Variants in HTRA3 observed in about 807,000 individuals in gnomAD.
The protein encoded by HTRA3 is HtrA serine peptidase 3.
HTRA3 carries 41 observed loss-of-function variants against 43.2 expected under a neutral mutation model. The observed-to-expected ratio is 0.95, with a 90% confidence interval of 0.74 to 1.23. The LOEUF is 1.23. HTRA3 is among the 50% of genes most tolerant of loss of function. The pLI is 0.00. For synonymous variants in HTRA3, 295 were observed against 287.9 expected (o/e 1.02, Z -0.25); for missense variants, 628 against 647.1 (o/e 0.97, Z 0.32).
chr4:8,270,302 C>G lies in HTRA3; in HGVS notation c.334C>G (p.Gln112Glu), dbSNP rs1478747382. The G allele has an allele frequency of 6.8e-7, 1 of 1,475,978 alleles. No individual in the cohort carries two copies. Among genetic ancestry groups the G allele is most frequent in the Non-Finnish European group, 8.9e-7 (1 of 1,120,480 alleles). 91.4% of individuals were successfully genotyped at this position (1,475,978 alleles called of 1,614,324 possible). ...ALQAASRRAL[Q>E]LSGTPVRQLQ... ...GCAGGCGGCCAGCCGCCGCGCGCTG[C>G]AGCTCTCCGGGACGCCCGTGCGCCA... Residue 112 changes from glutamine to glutamate, a missense_variant, in exon 1 of 9, where the codon CAG (glutamine) becomes GAG (glutamate). Physicochemically the swap from Gln to Glu is conservative, Grantham distance 29. Transcript: ENST00000307358.
At position 8,296,593 on chromosome 4, in the gene HTRA3, G is replaced by A; in HGVS notation, c.1051+2392G>A. The A allele has an allele frequency of 2.2e-6, 2 of 913,852 alleles. No homozygotes were observed. Among genetic ancestry groups the A allele is most frequent in the Non-Finnish European group, 2.6e-6 (2 of 764,902 alleles). The allele number at this position is 913,852 out of a possible 1,614,324, so 56.6% of individuals were successfully genotyped here. A position where few individuals can be genotyped will look rare whatever the true frequency, so the allele number is the denominator to read the frequency against. On this transcript the variant is annotated intron_variant, in intron 6 of 8. Coordinates refer to ENST00000307358, the MANE Select transcript of HTRA3 (RefSeq NM_053044.5). This position sits in a 1 kb window ranked among gnomAD's most constrained non-coding sequence, Gnocchi z 5.3. ...GCAGAGGCCTCTGAGGGGCTTTCAGGGTAAAGAGTGGCCACCATGCATGTT... is the reference window on the plus strand; with the variant it reads ...GCAGAGGCCTCTGAGGGGCTTTCAGAGTAAAGAGTGGCCACCATGCATGTT...
intron 2 of HTRA3, among the ~76,000 whole-genome samples, chr4:8,284,547 G>A (rs73083606): frequency 6.6e-6 from 1 of 152,240 alleles, no homozygotes; most frequent in Admixed American, 6.5e-5. Context: ...ATGGAGGCCA[G>A]TGGGCAGCCG....
At chr4:8,294,953 G>C (rs888795432) in intron 6 of HTRA3, among the ~76,000 whole-genome samples, 1 of 140,462 alleles carries the variant, frequency 7.1e-6, no homozygotes, top group Admixed American at 7.0e-5. Context: ...CCATCCATCC[G>C]TCCATCCATC....
intron 1 of HTRA3, among the ~76,000 whole-genome samples, chr4:8,274,488 G>A (rs1039392505): frequency 6.6e-6 from 1 of 152,352 alleles, no homozygotes; most frequent in East Asian, 1.9e-4. Flanking sequence ...GGGCCAGTGC[G>A]TGGCCTCTGT....
chr4:8,291,392 T>C lies in HTRA3; in HGVS notation c.731T>C (p.Leu244Pro). ...HPKKKLPVLL[L>P]GHSADLRPGE... ...TAGAAAAAGCTCCCTGTGTTGTTGC[T>C]GGGTCACTCGGCCGACCTGCGGCCT... is the stretch of plus-strand genomic sequence containing the variant. The change falls in exon 4 of 9, where the codon CTG becomes CCG. Residue 244 changes from leucine to proline, a missense_variant. Transcript: ENST00000307358. 1 of 1,613,572 alleles carries C rather than the reference T, an allele frequency of 6.2e-7. No homozygotes were observed. The highest frequency in any genetic ancestry group is 1.1e-5 in the South Asian group (1 of 91,090).
chr4:8,277,648 G>A (rs924181598), intron 1 of HTRA3, among the ~76,000 whole-genome samples: 3 of 152,224 alleles, frequency 2.0e-5, no homozygotes, highest in Non-Finnish European at 2.9e-5. Context: ...GAGCCTGCAC[G>A]CGCAGGAAGC....
chr4:8,285,679 G>A (rs1712929828), intron 2 of HTRA3, among the ~76,000 whole-genome samples: 1 of 152,226 alleles, frequency 6.6e-6, no homozygotes. Context: ...TGGGGCTGTG[G>A]TTTCTACTCA....
intron 1 of HTRA3, among the ~76,000 whole-genome samples, chr4:8,281,079 A>G (rs1321186339): frequency 6.6e-6 from 1 of 152,164 alleles, no homozygotes; most frequent in Non-Finnish European, 1.5e-5. Flanking sequence ...TTTAAAATAG[A>G]GGAAAAGTTT....
chr4:8,275,849 G>C (rs1712498447), intron 1 of HTRA3, among the ~76,000 whole-genome samples: 1 of 152,246 alleles, frequency 6.6e-6, no homozygotes, highest in African/African-American at 2.4e-5. Flanking sequence ...CTCAGGTAGG[G>C]ATGGATGGTT....
At chr4:8,294,017 C>A in intron 5 of HTRA3, 70 bp from the exon 6 acceptor site, 1 of 999,630 alleles carries the variant, frequency 1.0e-6, no homozygotes, top group Non-Finnish European at 1.5e-6. Context: ...GAGCTGTGGA[C>A]ACAGTGCTTT....
rs1434470960 is a variant in HTRA3, at chr4:8,297,923, G to A, written c.1051+3722G>A. ...TGCAGCCCCACCTGCCGTCCCCACTGAGTTATGTCAGCCTTGTCCCTCTGT... is the reference window on the plus strand; with the variant it reads ...TGCAGCCCCACCTGCCGTCCCCACTAAGTTATGTCAGCCTTGTCCCTCTGT... On this transcript the variant is annotated intron_variant, in intron 6 of 8. Coordinates refer to ENST00000307358, the MANE Select transcript of HTRA3 (RefSeq NM_053044.5). This position sits in a 1 kb window ranked among gnomAD's most constrained non-coding sequence, Gnocchi z 5.8. 2.6e-5 allele frequency among the ~76,000 whole-genome samples: 4 copies of A among 152,160 alleles called. No individual in the cohort carries two copies. Among genetic ancestry groups the A allele is most frequent in the Non-Finnish European group, 5.9e-5 (4 of 68,018 alleles).
intron 2 of HTRA3, among the ~76,000 whole-genome samples, chr4:8,283,722 G>A (rs1166642914): frequency 6.6e-6 from 1 of 152,220 alleles, no homozygotes; most frequent in African/African-American, 2.4e-5. Context: ...CCGGCAATGA[G>A]CAGTCACCAG....
intron 4 of HTRA3, 147 bp from the exon 5 acceptor site, chr4:8,292,174 T>C: frequency 1.6e-6 from 1 of 634,790 alleles, no homozygotes; most frequent in Non-Finnish European, 2.8e-6. Context: ...ATCTGTGAAA[T>C]GGGGGCAGCA....
chr4:8,271,698 G>A (rs1032583244), intron 1 of HTRA3, among the ~76,000 whole-genome samples: 1 of 152,148 alleles, frequency 6.6e-6, no homozygotes, highest in Non-Finnish European at 1.5e-5. Flanking sequence ...GGAGGAAGCT[G>A]CGTCTTCACA....
In HTRA3 at chr4:8,303,805, T is replaced by A. The variant is rs111470558; in HGVS notation, c.1101-379T>A. ...TCCGTGACTCAGCATTGTCTGTACGTTCCGTGACTCAGCATTGTCTGTCCA... is the reference window on the plus strand; with the variant it reads ...TCCGTGACTCAGCATTGTCTGTACGATCCGTGACTCAGCATTGTCTGTCCA... On this transcript the variant is annotated intron_variant, in intron 7 of 8. Transcript: ENST00000307358. Among the ~76,000 whole-genome samples, 130 of 148,150 alleles carry A rather than the reference T, an allele frequency of 8.8e-4. 1 individual carries two copies. Among genetic ancestry groups the A allele is most frequent in the African/African-American group, 2.8e-3 (113 of 40,942 alleles).
rs575434250 is a variant in HTRA3, at chr4:8,291,612, G to T, written c.903+48G>T. 609 of 1,411,602 alleles carry T rather than the reference G, an allele frequency of 4.3e-4. 6 individuals carry two copies. The South Asian group carries it at 7.2e-3, about 17-fold the overall frequency. 87.4% of individuals were successfully genotyped at this position (1,411,602 alleles called of 1,614,324 possible). ...CGGGGCACCTGCCATCTGTGCCCAAGACCTCAACCTCGAGGTGGTCTCTGA... is the reference window on the plus strand; with the variant it reads ...CGGGGCACCTGCCATCTGTGCCCAATACCTCAACCTCGAGGTGGTCTCTGA... On this transcript the variant is annotated intron_variant, in intron 4 of 8. Transcript: ENST00000307358.
At chr4:8,283,588 C>T (rs751974435) in intron 2 of HTRA3, among the ~76,000 whole-genome samples, 1 of 152,264 alleles carries the variant, frequency 6.6e-6, no homozygotes, top group Non-Finnish European at 1.5e-5. Context: ...TCCCATCCAC[C>T]TTTGCTGGCC....
intron 1 of HTRA3, among the ~76,000 whole-genome samples, chr4:8,274,491 G>T (rs891103623): frequency 3.9e-5 from 6 of 152,230 alleles, no homozygotes; most frequent in Non-Finnish European, 1.5e-5. Context: ...CCAGTGCGTG[G>T]CCTCTGTAGA....
chr4:8,281,606 C>A (rs541450853), intron 1 of HTRA3, among the ~76,000 whole-genome samples: 63 of 152,350 alleles, frequency 4.1e-4, no homozygotes, highest in African/African-American at 1.3e-3. Context: ...GGCTCGGGAG[C>A]CACGAGCGAG....
Sources: allele counts gnomAD v4.1 joint callset (sites outside exome capture counted in the v4.1 genomes callset), GRCh38; gene constraint gnomAD v4.1.1; non-coding constraint Gnocchi (gnomAD v3.1); transcripts MANE v1.5; gene names NCBI Gene and HGNC (gene_info 2026-07-23, HGNC 2026-07-21).